Variants in ASPSCR1 observed in about 807,000 individuals in gnomAD.
The protein encoded by ASPSCR1 is tether containing UBX domain for GLUT4.
A neutral mutation model predicts 68.9 loss-of-function variants in ASPSCR1; 55 were observed. The ratio of observed to expected loss-of-function variants is 0.80; its 90% CI spans 0.64 to 1.00. The LOEUF is 1.00. Ranked by LOEUF, ASPSCR1 falls within the 50% of genes least tolerant of loss-of-function variation. ASPSCR1 has a pLI of 0.00. For missense variants in ASPSCR1, 765 were observed against 762.2 expected (o/e 1.00, Z -0.04); for synonymous variants, 352 against 332.6 (o/e 1.06, Z -0.63).
At chr17:82,011,670 C>T in intron 11 of ASPSCR1, 65 bp downstream of exon 11, 1 of 1,538,450 alleles carries the variant, frequency 6.5e-7, no homozygotes, top group Non-Finnish European at 8.9e-7. Flanking sequence ...TGTGGGCACA[C>T]CGCCCGTCCC....
At chr17:81,982,960 T>G (rs2041843259) in intron 2 of ASPSCR1, among the ~76,000 whole-genome samples, 2 of 152,136 alleles carry the variant, frequency 1.3e-5, no homozygotes, top group Admixed American at 6.5e-5. Context: ...ACTACAGGCC[T>G]GAGCCACCAT....
At chr17:82,017,203 A>G in intron 15 of ASPSCR1, 90 bp downstream of exon 15, 2 of 1,584,234 alleles carry the variant, frequency 1.3e-6, no homozygotes, top group South Asian at 2.2e-5. Context: ...CTGGGGGGCT[A>G]GGTGCTGTGG....
chr17:81,997,911 C>T (rs1370060171), intron 7 of ASPSCR1, among the ~76,000 whole-genome samples: 1 of 150,154 alleles, frequency 6.7e-6, no homozygotes, highest in African/African-American at 2.5e-5. Flanking sequence ...ACTGTAACCT[C>T]CACCTCCCGG....
chr17:82,002,585 C>CA (rs2042573526), intron 7 of ASPSCR1, among the ~76,000 whole-genome samples: 2 of 149,858 alleles, frequency 1.3e-5, no homozygotes, highest in African/African-American at 4.9e-5. Context: ...TTTTTTGAGA[C>CA]AGAGTCTCAC....
intron 4 of ASPSCR1, among the ~76,000 whole-genome samples, chr17:81,992,407 C>A (rs569617266): frequency 6.6e-6 from 1 of 152,228 alleles, no homozygotes; most frequent in African/African-American, 2.4e-5. Context: ...AGCCGCACAT[C>A]AAAGCCGGGC....
At position 81,986,213 on chromosome 17, in the gene ASPSCR1, C is replaced by T. The variant is rs1015252498; in HGVS notation, c.374+606C>T. On this transcript the variant is annotated intron_variant, in intron 4 of 15. Transcript: ENST00000306739. The surrounding 1 kb of genome is among the most constrained non-coding windows in gnomAD (Gnocchi z 5.2). ...CCGAGGCTGGCGAATCGCTTGAGCT[C>T]ATGAGTTCAAGACTAGCCTCGGCAA... Among the ~76,000 whole-genome samples, 2 of 152,128 alleles carry T rather than the reference C, an allele frequency of 1.3e-5. No individual in the cohort carries two copies. Among genetic ancestry groups the T allele is most frequent in the African/African-American group, 2.4e-5 (1 of 41,430 alleles).
At chr17:81,991,181 A>G (rs867303732) in intron 4 of ASPSCR1, among the ~76,000 whole-genome samples, 5 of 152,290 alleles carry the variant, frequency 3.3e-5, no homozygotes, top group African/African-American at 9.6e-5. Context: ...GAGCTCAGCC[A>G]TGGAGGGGAT....
chr17:81,985,968 G>T (rs1327269189), intron 4 of ASPSCR1, among the ~76,000 whole-genome samples: 1 of 152,112 alleles, frequency 6.6e-6, no homozygotes, highest in Non-Finnish European at 1.5e-5. Flanking sequence ...GGGATCATAA[G>T]GTCTCTTTTT....
In ASPSCR1 at chr17:81,990,922, C is replaced by T. The variant is rs1474246876; in HGVS notation, c.375-3899C>T. ...CGTCTGGGCAGTCCACGAGGGCAGG[C>T]GGGCGAGTCCCGTAGTTTGAATCCC... On this transcript the variant is annotated intron_variant, in intron 4 of 15. Coordinates refer to ENST00000306739, the MANE Select transcript of ASPSCR1 (RefSeq NM_024083.4). The surrounding 1 kb of genome is among the most constrained non-coding windows in gnomAD (Gnocchi z 4.1). 6.6e-6 allele frequency among the ~76,000 whole-genome samples: 1 copy of T among 152,130 alleles called. No individual in the cohort carries two copies. The highest frequency in any genetic ancestry group is 1.5e-5 in the Non-Finnish European group (1 of 68,018).
At chr17:82,012,414 C>G in intron 12 of ASPSCR1, 131 bp downstream of exon 12, 3 of 1,112,748 alleles carry the variant, frequency 2.7e-6, no homozygotes, top group South Asian at 2.8e-5. Flanking sequence ...CTTTGAGAGC[C>G]GGTGGGTTCC....
intron 7 of ASPSCR1, among the ~76,000 whole-genome samples, chr17:81,998,286 A>G (rs907718515): frequency 1.3e-5 from 2 of 152,144 alleles, no homozygotes; most frequent in African/African-American, 4.8e-5. Context: ...GTTACTTTTT[A>G]TAATATTGTG....
intron 9 of ASPSCR1, chr17:82,010,066 C>A (rs1249527980): frequency 3.0e-6 from 1 of 336,928 alleles, no homozygotes; most frequent in Non-Finnish European, 5.8e-6. Flanking sequence ...CCCGCTACCA[C>A]TAGCTCGGCT....
intron 7 of ASPSCR1, among the ~76,000 whole-genome samples, chr17:82,002,732 A>T (rs2042576969): frequency 6.8e-6 from 1 of 147,964 alleles, no homozygotes; most frequent in Non-Finnish European, 1.5e-5. Flanking sequence ...TAATTTTTGT[A>T]TTTTTAGTAG....
At chr17:82,012,137 G>GCGTCACCCCCATCTGCAGGC in intron 11 of ASPSCR1, 94 bp from the exon 12 acceptor site, 1 of 1,408,996 alleles carries the variant, frequency 7.1e-7, no homozygotes, top group Non-Finnish European at 1.0e-6. Context: ...CCCACTTGAG[G>GCGTCACCCCCATCTGCAGGC]CGTCACCCCC....
chr17:81,991,043 T>C (rs2144027596), intron 4 of ASPSCR1, among the ~76,000 whole-genome samples: 1 of 152,156 alleles, frequency 6.6e-6, no homozygotes, highest in South Asian at 2.1e-4. Flanking sequence ...CGGGGACTGT[T>C]GTGGGTGACC....
chr17:82,017,192 G>A, intron 15 of ASPSCR1, 79 bp downstream of exon 15: 1 of 1,579,198 alleles, frequency 6.3e-7, no homozygotes, highest in South Asian at 1.1e-5. Context: ...GGGTCAGTGG[G>A]CTGGGGGGCT....
chr17:81,996,480 G>A lies in ASPSCR1; in HGVS notation c.567G>A (p.Ala189=), dbSNP rs181726751. ...CCCCAGGAAGCCTGGGCTCGTCAGC[G>A]TCGGCTGGCCAGGCAGCCGCCAGCG... ...GKTPGSLGSS[A]SAGQAAASAP... is the part of the protein sequence containing the mutation. The change falls in exon 7 of 16, where the codon GCG becomes GCA. Residue 189 remains alanine (A), a synonymous_variant. Coordinates refer to ENST00000306739, the MANE Select transcript of ASPSCR1 (RefSeq NM_024083.4). 8.1e-5 allele frequency: 130 copies of A among 1,611,308 alleles called. No homozygotes were observed. Among genetic ancestry groups the A allele is most frequent in the Non-Finnish European group, 1.0e-4 (121 of 1,178,972 alleles).
intron 3 of ASPSCR1, 94 bp from the exon 4 acceptor site, chr17:81,985,413 G>C (rs955644297): frequency 7.4e-7 from 1 of 1,357,108 alleles, no homozygotes; most frequent in African/African-American, 1.4e-5. Context: ...GGGCGGGGCA[G>C]TCACCCTCTC....
At chr17:82,010,296 A>G (rs542108721) in intron 9 of ASPSCR1, among the ~76,000 whole-genome samples, 48 of 150,394 alleles carry the variant, frequency 3.2e-4, no homozygotes, top group East Asian at 2.4e-3. Context: ...TTGGGAGGCC[A>G]AGGTGGGCGG....
Sources: allele counts gnomAD v4.1 joint callset (sites outside exome capture counted in the v4.1 genomes callset), GRCh38; gene constraint gnomAD v4.1.1; non-coding constraint Gnocchi (gnomAD v3.1); transcripts MANE v1.5; gene names NCBI Gene and HGNC (gene_info 2026-07-23, HGNC 2026-07-21).